The following RPS6KA2 variants were observed in gnomAD, a reference collection of about 807,000 sequenced individuals.
RPS6KA2 encodes ribosomal protein S6 kinase alpha-2.
Under a neutral mutation model 91.8 loss-of-function variants are expected in RPS6KA2, and 42 were observed. The observed-to-expected ratio is 0.46, with a 90% confidence interval of 0.36 to 0.59. The LOEUF is 0.59. RPS6KA2 is among the 20% of genes least tolerant of loss of function. RPS6KA2 has a pLI of 0.00. For missense variants in RPS6KA2, 798 were observed against 978.5 expected (o/e 0.82, Z 2.46); for synonymous variants, 414 against 393.6 (o/e 1.05, Z -0.61).
In RPS6KA2 at chr6:166,498,461, G is replaced by A. The variant is rs778418233; in HGVS notation, c.747+47C>T. Reference sequence around the variant, plus strand: ...AACCAACCTGGGGACAGGGGTCCACGTGGGGAACAGCCGCCATGGCACAGA... The same window carrying A: ...AACCAACCTGGGGACAGGGGTCCACATGGGGAACAGCCGCCATGGCACAGA... On this transcript the variant is annotated intron_variant, in intron 8 of 20. Transcript: ENST00000265678. 1.2e-4 allele frequency: 191 copies of A among 1,562,666 alleles called. 1 individual carries two copies. In the South Asian group the frequency reaches 1.4e-3, roughly 12 times the overall value.
At chr6:166,447,323 G>A (rs1779712326) in intron 14 of RPS6KA2, among the ~76,000 whole-genome samples, 1 of 152,144 alleles carries the variant, frequency 6.6e-6, no homozygotes, top group African/African-American at 2.4e-5. Flanking sequence ...TCCTGGATGT[G>A]TTCAAGACTC....
chr6:166,602,319 G>C (rs1027807419), intron 1 of RPS6KA2, among the ~76,000 whole-genome samples: 1 of 152,204 alleles, frequency 6.6e-6, no homozygotes, highest in South Asian at 2.1e-4. Flanking sequence ...GTTGAAGATC[G>C]TGTGCTCCAT....
chr6:166,450,916 G>A (rs998699291), intron 13 of RPS6KA2, among the ~76,000 whole-genome samples, 187 bp downstream of exon 13: 6 of 152,104 alleles, frequency 3.9e-5, no homozygotes, highest in African/African-American at 1.4e-4. Context: ...CGCCATGGGG[G>A]ATAACCACGA....
chr6:166,780,079 C>CA (rs1486124700), intron 2 of RPS6KA2, among the ~76,000 whole-genome samples: 1 of 152,204 alleles, frequency 6.6e-6, no homozygotes, highest in Non-Finnish European at 1.5e-5. Flanking sequence ...ATTTCTCAGG[C>CA]AAGGGGATGG....
intron 2 of RPS6KA2, among the ~76,000 whole-genome samples, chr6:166,536,058 C>T (rs1783467738): frequency 6.6e-6 from 1 of 152,226 alleles, no homozygotes; most frequent in African/African-American, 2.4e-5. Context: ...GAGCTGGCAC[C>T]AGTGCAAAAA....
intron 2 of RPS6KA2, among the ~76,000 whole-genome samples, chr6:166,720,206 C>A (rs1033697958): frequency 6.6e-6 from 1 of 152,134 alleles, no homozygotes. Flanking sequence ...AATAAGTATT[C>A]AAATTTTGGT....
At chr6:166,695,954 C>A (rs371610847) in intron 2 of RPS6KA2, among the ~76,000 whole-genome samples, 19 of 152,294 alleles carry the variant, frequency 1.2e-4, no homozygotes, top group African/African-American at 4.6e-4. Context: ...ACTGCGCATG[C>A]GGGAATCCAG....
intron 2 of RPS6KA2, among the ~76,000 whole-genome samples, chr6:166,740,774 C>A (rs530530600): frequency 1.3e-5 from 2 of 152,220 alleles, no homozygotes; most frequent in Admixed American, 6.5e-5. Context: ...GCTGGCAATT[C>A]GCAAATGGGA....
Position 166,495,177 on chromosome 6 carries a change from C to T in RPS6KA2, c.747+3331G>A, listed in dbSNP as rs370558894. ...CAGCTTTAGTTTTCATTTCTGTGCA[C>T]AGAAAGAATACCGTCTTTCCTGCCC... is the stretch of plus-strand genomic sequence containing the variant. On this transcript the variant is annotated intron_variant, in intron 8 of 20. Transcript: ENST00000265678. The surrounding 1 kb of genome is among the most constrained non-coding windows in gnomAD (Gnocchi z 4.4). 1.3e-5 allele frequency among the ~76,000 whole-genome samples: 2 copies of T among 152,320 alleles called. No homozygotes were observed. Among genetic ancestry groups the T allele is most frequent in the East Asian group, 3.9e-4 (2 of 5,178 alleles).
chr6:166,508,081 CCACA>C lies in RPS6KA2; in HGVS notation c.459+118_459+121del, dbSNP rs148154851. Reference sequence around the variant, plus strand: ...CACACACTCACACATGCACACACCCCCACACACACACACGCACTCTCGCACGTGC... The same window carrying C: ...CACACACTCACACATGCACACACCCCCACACACACGCACTCTCGCACGTGC... On this transcript the variant is annotated intron_variant, in intron 5 of 20. Transcript: ENST00000265678. This position sits in a 1 kb window ranked among gnomAD's most constrained non-coding sequence, Gnocchi z 4.3. 7 of 625,124 alleles carry C rather than the reference CCACA, an allele frequency of 1.1e-5. No individual in the cohort carries two copies. Among genetic ancestry groups the C allele is most frequent in the South Asian group, 1.9e-5 (1 of 52,946 alleles). The allele number at this position is 625,124 out of a possible 1,614,324, so 38.7% of individuals were successfully genotyped here. A position where few individuals can be genotyped will look rare whatever the true frequency, so the allele number is the denominator to read the frequency against.
chr6:166,708,056 C>A (rs1020637584), intron 2 of RPS6KA2, among the ~76,000 whole-genome samples: 5 of 152,140 alleles, frequency 3.3e-5, no homozygotes, highest in African/African-American at 1.2e-4. Flanking sequence ...AGAATAATTT[C>A]TTTTGCTAAT....
At chr6:166,787,183 T>C (rs9457212) in intron 2 of RPS6KA2, among the ~76,000 whole-genome samples, 52,755 of 152,066 alleles carry the variant, frequency 0.35, 9,864 homozygotes, top group African/African-American at 0.47. Context: ...AGATAAAGAC[T>C]GATGTATGTG....
intron 2 of RPS6KA2, chr6:166,702,209 A>G (rs1240034053): frequency 8.1e-6 from 13 of 1,609,674 alleles, no homozygotes; most frequent in Non-Finnish European, 1.1e-5. Flanking sequence ...AATGGCTCCA[A>G]CAAATTGGGT....
At position 166,645,993 on chromosome 6, in the gene RPS6KA2, C is replaced by T. The variant is rs374712698; in HGVS notation, c.124-107209G>A. Among the ~76,000 whole-genome samples the T allele has an allele frequency of 6.4e-4, 97 of 152,280 alleles. 1 individual carries two copies. The highest frequency in any genetic ancestry group is 3.4e-3 in the Middle Eastern group (1 of 294). On this transcript the variant is annotated intron_variant, in intron 2 of 21. Transcript: ENST00000503859. ...TCTGCAAGTGCTCGTTAGAACAAAA[C>T]GTTTGCTTCTAGGGCCAGTCCTCTG...
chr6:166,468,439 T>C (rs1780621315), intron 11 of RPS6KA2, among the ~76,000 whole-genome samples: 1 of 152,218 alleles, frequency 6.6e-6, no homozygotes, highest in African/African-American at 2.4e-5. Flanking sequence ...GGGCTCAGGC[T>C]GAAGGAAGAG....
At chr6:166,527,307 A>T (rs1783090199) in intron 3 of RPS6KA2, among the ~76,000 whole-genome samples, 1 of 152,088 alleles carries the variant, frequency 6.6e-6, no homozygotes, top group South Asian at 2.1e-4. Context: ...CTTGAAGGAG[A>T]AAAGGAGCTC....
intron 5 of RPS6KA2, among the ~76,000 whole-genome samples, chr6:166,507,390 C>CATA (rs563166079): frequency 6.8e-6 from 1 of 146,514 alleles, no homozygotes; most frequent in Non-Finnish European, 1.5e-5. Flanking sequence ...ACACACACAC[C>CATA]CACCCCACAT....
Position 166,494,804 on chromosome 6 carries a change from G to A in RPS6KA2, c.747+3704C>T, listed in dbSNP as rs530276129. Among the ~76,000 whole-genome samples the A allele has an allele frequency of 6.6e-5, 10 of 152,274 alleles. No individual in the cohort carries two copies. The South Asian group carries it at 1.7e-3, about 25-fold the overall frequency. On this transcript the variant is annotated intron_variant, in intron 8 of 20. Coordinates refer to ENST00000265678, the MANE Select transcript of RPS6KA2 (RefSeq NM_021135.6). This position sits in a 1 kb window ranked among gnomAD's most constrained non-coding sequence, Gnocchi z 5.1. ...TCCCAGCACACATCCACCTCCAGGG[G>A]ACGGACGGCCACCCACACATGAGGA...
chr6:166,862,459 G>A (rs1333182664), exon 1 of RPS6KA2: 2 of 1,143,798 alleles, frequency 1.7e-6, no homozygotes, highest in Non-Finnish European at 1.1e-6. Flanking sequence ...TTCCCGCTCG[G>A]GCTGGGGCGA....
Sources: gnomAD v4.1 joint callset for allele counts (sites outside exome capture counted in the v4.1 genomes callset) on GRCh38, gnomAD v4.1.1 for gene constraint, Gnocchi (gnomAD v3.1) non-coding constraint, MANE v1.5 for transcripts, NCBI Gene and HGNC (gene_info 2026-07-23, HGNC 2026-07-21) for gene names.